Variants in FOXP1 observed in about 807,000 individuals in gnomAD.
FOXP1 encodes forkhead box P1.
FOXP1 carries 15 observed loss-of-function variants against 98.2 expected under a neutral mutation model. The ratio of observed to expected loss-of-function variants is 0.15; its 90% CI spans 0.10 to 0.24. The LOEUF (loss-of-function observed/expected upper bound fraction) is 0.24, where lower values mean the gene tolerates loss of function less well. Among genes scored for constraint, FOXP1 ranks in the 10% least tolerant of loss-of-function variants. The pLI, the probability that FOXP1 is intolerant of heterozygous loss-of-function variation, is 1.00. For synonymous variants in FOXP1, 371 were observed against 314.5 expected (o/e 1.18, Z -1.90); for missense variants, 633 against 848.5 (o/e 0.75, Z 3.15).
chr3:71,165,700 C>CA (rs1560049816), intron 6 of FOXP1, among the ~76,000 whole-genome samples: 1 of 151,774 alleles, frequency 6.6e-6, no homozygotes, highest in South Asian at 2.1e-4. Flanking sequence ...CCAAACAAAA[C>CA]AAAAAAAGAA....
intron 12 of FOXP1, among the ~76,000 whole-genome samples, chr3:71,012,292 C>A (rs989867322): frequency 1.3e-5 from 2 of 152,126 alleles, no homozygotes; most frequent in African/African-American, 2.4e-5. Context: ...CTGCCAAGTT[C>A]TTTTTCTCTC....
chr3:71,291,719 T>TTC (rs1162837699), intron 5 of FOXP1, among the ~76,000 whole-genome samples: 1 of 149,606 alleles, frequency 6.7e-6, no homozygotes, highest in African/African-American at 2.5e-5. Flanking sequence ...TGTATTTTTT[T>TTC]TTTTTTTTTT....
intron 2 of FOXP1, among the ~76,000 whole-genome samples, chr3:71,556,576 CAAAAAAAAAAA>C (rs757217111): frequency 1.7e-4 from 5 of 29,818 alleles, no homozygotes; most frequent in Non-Finnish European, 3.1e-4. Flanking sequence ...GACTCCGTCT[CAAAAAAAAAAA>C]AAAAAAAAAA....
intron 3 of FOXP1, among the ~76,000 whole-genome samples, chr3:71,473,791 C>G (rs1577706478): frequency 6.6e-6 from 1 of 152,120 alleles, no homozygotes; most frequent in Admixed American, 6.6e-5. Context: ...GTCACAACGA[C>G]CTGGGAGGCA....
At chr3:71,474,752 C>G (rs1016305166) in intron 3 of FOXP1, among the ~76,000 whole-genome samples, 3 of 151,948 alleles carry the variant, frequency 2.0e-5, no homozygotes, top group African/African-American at 7.3e-5. Context: ...AAGCTCAGGG[C>G]TCCCACTGAT....
chr3:71,410,475 G>A (rs370653355), intron 3 of FOXP1, among the ~76,000 whole-genome samples: 9 of 152,126 alleles, frequency 5.9e-5, no homozygotes, highest in East Asian at 1.9e-4. Context: ...CCTTCCTGAC[G>A]TAATTTTACT....
chr3:71,542,684 G>T (rs2044959672), intron 2 of FOXP1, among the ~76,000 whole-genome samples: 1 of 152,260 alleles, frequency 6.6e-6, no homozygotes, highest in African/African-American at 2.4e-5. Context: ...ACACACAGAG[G>T]AGAGTGTGAG....
At chr3:71,087,470 G>C (rs1374077366) in intron 7 of FOXP1, among the ~76,000 whole-genome samples, 1 of 152,304 alleles carries the variant, frequency 6.6e-6, no homozygotes, top group East Asian at 1.9e-4. Context: ...CAACAAATAA[G>C]GGCACGCATT....
chr3:71,194,950 G>A (rs2063212629), intron 6 of FOXP1, among the ~76,000 whole-genome samples: 1 of 152,154 alleles, frequency 6.6e-6, no homozygotes, highest in African/African-American at 2.4e-5. Flanking sequence ...TGGCTTCTGA[G>A]TGATGAGTCT....
intron 6 of FOXP1, among the ~76,000 whole-genome samples, chr3:71,165,224 C>A (rs951686252): frequency 7.1e-6 from 1 of 141,668 alleles, no homozygotes; most frequent in East Asian, 2.1e-4. Flanking sequence ...ATAGCTTTTA[C>A]CAAATTGAAA....
chr3:71,020,316 TC>T (rs1292907059), intron 11 of FOXP1, among the ~76,000 whole-genome samples: 3 of 152,216 alleles, frequency 2.0e-5, no homozygotes, highest in Non-Finnish European at 4.4e-5. Context: ...GGTGTCATTT[TC>T]AATGACAGTT....
At chr3:71,434,264 G>T (rs146480705) in intron 3 of FOXP1, among the ~76,000 whole-genome samples, 2 of 152,144 alleles carry the variant, frequency 1.3e-5, no homozygotes, top group African/African-American at 4.8e-5. Context: ...TTAGGCACTG[G>T]ATCCTAGAGC....
intron 14 of FOXP1, among the ~76,000 whole-genome samples, chr3:70,979,412 T>C (rs1055467732): frequency 4.0e-5 from 6 of 150,384 alleles, no homozygotes; most frequent in Admixed American, 1.3e-4. Context: ...GGCATAACCC[T>C]TCCCCAAAAT....
chr3:71,355,279 C>T (rs932987325), intron 4 of FOXP1, among the ~76,000 whole-genome samples: 7 of 152,198 alleles, frequency 4.6e-5, no homozygotes, highest in Non-Finnish European at 8.8e-5. Context: ...ATATGTTAGG[C>T]ACTGCTAGCC....
At chr3:71,476,539 T>C (rs919852807) in intron 3 of FOXP1, among the ~76,000 whole-genome samples, 1 of 152,078 alleles carries the variant, frequency 6.6e-6, no homozygotes, top group Non-Finnish European at 1.5e-5. Context: ...TGCCATTTTG[T>C]TATTGCAATG....
intron 6 of FOXP1, among the ~76,000 whole-genome samples, chr3:71,151,883 A>C (rs1336639465): frequency 6.6e-6 from 1 of 152,174 alleles, no homozygotes; most frequent in Non-Finnish European, 1.5e-5. Flanking sequence ...ATCCACGAAC[A>C]GTAGTGACTA....
chr3:71,249,009 C>T (rs1227128621), intron 5 of FOXP1, among the ~76,000 whole-genome samples: 1 of 152,230 alleles, frequency 6.6e-6, no homozygotes, highest in Non-Finnish European at 1.5e-5. Flanking sequence ...CCAGCCCCAG[C>T]ACTTTCTGAA....
At position 71,342,564 on chromosome 3, in the gene FOXP1, A is replaced by G. The variant is rs145044507; in HGVS notation, c.-73+16586T>C. On this transcript the variant is annotated intron_variant, in intron 4 of 20. Transcript: ENST00000649528. ...AAAAATTAGCCGGTCGTGGTGGCAGACTCCTGTAGTTCCAGCTACTTAGGA... is the reference window on the plus strand; with the variant it reads ...AAAAATTAGCCGGTCGTGGTGGCAGGCTCCTGTAGTTCCAGCTACTTAGGA... Among the ~76,000 whole-genome samples the G allele has an allele frequency of 1.6e-3, 240 of 151,822 alleles. 4 individuals are homozygous for G. In the East Asian group the frequency reaches 0.04, roughly 25 times the overall value.
chr3:71,166,083 A>C (rs2061384195), intron 6 of FOXP1, among the ~76,000 whole-genome samples: 1 of 152,240 alleles, frequency 6.6e-6, no homozygotes, highest in Admixed American at 6.5e-5. Context: ...GGGAAGTAAC[A>C]ATCACTCTGA....
Sources: allele counts gnomAD v4.1 joint callset (sites outside exome capture counted in the v4.1 genomes callset), GRCh38; gene constraint gnomAD v4.1.1; transcripts MANE v1.5; gene names NCBI Gene and HGNC (gene_info 2026-07-23, HGNC 2026-07-21).